PARD3B: variants seen among roughly 807,000 people sequenced by gnomAD.
The protein encoded by PARD3B is par-3 family cell polarity regulator beta.
A neutral mutation model predicts 130.2 loss-of-function variants in PARD3B; 103 were observed. The observed-to-expected ratio is 0.79, with a 90% CI of 0.67 to 0.93. The LOEUF is 0.93. Among genes scored for constraint, PARD3B ranks in the 40% least tolerant of loss-of-function variants. The pLI, the probability that PARD3B is intolerant of heterozygous loss-of-function variation, is 0.00. For synonymous variants in PARD3B, 583 were observed against 553.2 expected (o/e 1.05, Z -0.76); for missense variants, 1,609 against 1,499.2 (o/e 1.07, Z -1.21).
chr2:205,298,361 C>G (rs1436883076), intron 16 of PARD3B, among the ~76,000 whole-genome samples: 1 of 152,104 alleles, frequency 6.6e-6, no homozygotes, highest in African/African-American at 2.4e-5. Flanking sequence ...TCATCTTATT[C>G]AATTTCTGTT....
chr2:205,336,316 G>A, intron 18 of PARD3B, among the ~76,000 whole-genome samples: 1 of 152,068 alleles, frequency 6.6e-6, no homozygotes, highest in East Asian at 1.9e-4. Context: ...TTATTTCTAG[G>A]GCCTTTTTCC....
intron 15 of PARD3B, among the ~76,000 whole-genome samples, chr2:205,231,552 G>T (rs73067196): frequency 6.6e-6 from 1 of 150,592 alleles, no homozygotes; most frequent in South Asian, 2.1e-4. Context: ...GCCCAGGCTG[G>T]TGTCAAACTT....
At chr2:205,430,461 T>C (rs1199485499) in intron 19 of PARD3B, among the ~76,000 whole-genome samples, 1 of 152,222 alleles carries the variant, frequency 6.6e-6, no homozygotes, top group Non-Finnish European at 1.5e-5. Flanking sequence ...TTAATTAAAA[T>C]TTTGTACCTT....
intron 2 of PARD3B, among the ~76,000 whole-genome samples, chr2:204,891,128 T>A (rs555005476): frequency 1.3e-5 from 2 of 152,138 alleles, no homozygotes; most frequent in Admixed American, 1.3e-4. Context: ...GGACCCGATA[T>A]GGAATCTGCC....
Position 205,325,200 on chromosome 2 carries a change from C to T in PARD3B, c.2630+23499C>T, listed in dbSNP as rs2042897495. ...ATTTGATCTTCTACCAAAATTTTTG[C>T]TGTGGTTTCACAGTTTCTTGAAGAG... On this transcript the variant is annotated intron_variant, in intron 18 of 22. Transcript: ENST00000406610. This position sits in a 1 kb window ranked among gnomAD's most constrained non-coding sequence, Gnocchi z 4.1. 6.6e-6 allele frequency among the ~76,000 whole-genome samples: 1 copy of T among 152,162 alleles called. No individual in the cohort carries two copies. The highest frequency in any genetic ancestry group is 2.1e-4 in the South Asian group (1 of 4,830).
At chr2:204,932,283 G>A (rs569659559) in intron 2 of PARD3B, among the ~76,000 whole-genome samples, 6 of 152,078 alleles carry the variant, frequency 3.9e-5, no homozygotes, top group Non-Finnish European at 8.8e-5. Flanking sequence ...TTTAATTCCA[G>A]TTAGTATTCT....
At chr2:204,885,296 A>T (rs1405703483) in intron 2 of PARD3B, among the ~76,000 whole-genome samples, 1 of 152,044 alleles carries the variant, frequency 6.6e-6, no homozygotes, top group Non-Finnish European at 1.5e-5. Context: ...GTGTCTATTC[A>T]TGTCCTTTGC....
intron 13 of PARD3B, among the ~76,000 whole-genome samples, chr2:205,184,632 T>C (rs2035988459): frequency 6.6e-6 from 1 of 151,810 alleles, no homozygotes; most frequent in African/African-American, 2.4e-5. Flanking sequence ...GTTCCAGCTA[T>C]TCGGGAGGCT....
At chr2:205,488,961 C>T (rs2106312590) in intron 20 of PARD3B, among the ~76,000 whole-genome samples, 1 of 152,168 alleles carries the variant, frequency 6.6e-6, no homozygotes, top group South Asian at 2.1e-4. Context: ...TAGACTATGG[C>T]TTATTTATCA....
intron 3 of PARD3B, among the ~76,000 whole-genome samples, chr2:204,980,028 A>T (rs1301483810): frequency 2.0e-5 from 3 of 152,212 alleles, no homozygotes; most frequent in African/African-American, 7.2e-5. Context: ...TCATTAAAAG[A>T]CTGAAAAGAA....
At chr2:205,447,665 C>T (rs763998371) in intron 20 of PARD3B, among the ~76,000 whole-genome samples, 16 of 152,196 alleles carry the variant, frequency 1.1e-4, no homozygotes, top group Non-Finnish European at 2.2e-4. Flanking sequence ...GCGTGAGCCA[C>T]CGCACCCGGC....
chr2:205,102,686 A>G (rs1702865203), intron 4 of PARD3B, among the ~76,000 whole-genome samples: 1 of 152,164 alleles, frequency 6.6e-6, no homozygotes, highest in African/African-American at 2.4e-5. Flanking sequence ...AAATGTTGCT[A>G]CTCAATCTAA....
At chr2:204,647,369 T>C (rs896123715) in intron 1 of PARD3B, among the ~76,000 whole-genome samples, 2 of 151,938 alleles carry the variant, frequency 1.3e-5, no homozygotes, top group Non-Finnish European at 2.9e-5. Context: ...GTTATACATG[T>C]ATTTTTTTTA....
intron 1 of PARD3B, among the ~76,000 whole-genome samples, chr2:204,679,894 C>T (rs186152069): frequency 7.4e-4 from 113 of 151,934 alleles, no homozygotes; most frequent in African/African-American, 2.6e-3. Context: ...GTAATAATTT[C>T]CACTTGGTTA....
At chr2:205,541,017 G>A (rs999963750) in intron 21 of PARD3B, among the ~76,000 whole-genome samples, 1 of 152,034 alleles carries the variant, frequency 6.6e-6, no homozygotes, top group Non-Finnish European at 1.5e-5. Context: ...TTTAAATGTT[G>A]ACTTAAAATA....
intron 4 of PARD3B, among the ~76,000 whole-genome samples, chr2:205,068,192 A>G (rs1700505450): frequency 6.6e-6 from 1 of 152,194 alleles, no homozygotes; most frequent in Admixed American, 6.6e-5. Flanking sequence ...GTATAGGAGA[A>G]GATGACTTAC....
At chr2:204,584,274 CT>C (rs1297979923) in intron 1 of PARD3B, among the ~76,000 whole-genome samples, 1 of 152,102 alleles carries the variant, frequency 6.6e-6, no homozygotes, top group Non-Finnish European at 1.5e-5. Flanking sequence ...TATGGTATGA[CT>C]TGACAGTCTA....
chr2:204,981,332 G>A (rs1692650710), intron 3 of PARD3B, among the ~76,000 whole-genome samples: 1 of 152,036 alleles, frequency 6.6e-6, no homozygotes, highest in South Asian at 2.1e-4. Context: ...TCCATCTTTG[G>A]TAAAATAATA....
chr2:205,246,932 A>T (rs369107224), intron 16 of PARD3B, among the ~76,000 whole-genome samples: 1 of 152,200 alleles, frequency 6.6e-6, no homozygotes, highest in Admixed American at 6.5e-5. Flanking sequence ...CTTGCTCCCA[A>T]CATCCTCTTC....
Sources: gnomAD v4.1 joint callset for allele counts (sites outside exome capture counted in the v4.1 genomes callset) on GRCh38, gnomAD v4.1.1 for gene constraint, Gnocchi (gnomAD v3.1) non-coding constraint, MANE v1.5 for transcripts, NCBI Gene and HGNC (gene_info 2026-07-23, HGNC 2026-07-21) for gene names.